The following SPATS2 variants were observed in gnomAD, a reference collection of about 807,000 sequenced individuals.
SPATS2 encodes the protein spermatogenesis associated serine rich 2.
In SPATS2, 38 loss-of-function variants were observed where a neutral mutation model predicts 63.7. The ratio of observed to expected loss-of-function variants is 0.60; its 90% CI spans 0.46 to 0.78. SPATS2 has a LOEUF of 0.78. SPATS2 is among the 30% of genes least tolerant of loss of function. The pLI is 0.00. For synonymous variants in SPATS2, 207 were observed against 232.9 expected (o/e 0.89, Z 1.01); for missense variants, 588 against 666.2 (o/e 0.88, Z 1.29).
intron 2 of SPATS2, among the ~76,000 whole-genome samples, chr12:49,422,303 A>C (rs1406832190): frequency 6.6e-6 from 1 of 152,212 alleles, no homozygotes; most frequent in African/African-American, 2.4e-5. Context: ...TAAGTACTTC[A>C]CAGAATTACA....
At chr12:49,371,355 A>G (rs1943995029) in intron 2 of SPATS2, 65 bp downstream of exon 2, 2 of 152,212 alleles carry the variant, frequency 1.3e-5, no homozygotes, top group Admixed American at 1.3e-4. Context: ...ATATCTTCAC[A>G]ATTCATCCAT....
At chr12:49,436,843 G>A (rs1303609385) in intron 2 of SPATS2, among the ~76,000 whole-genome samples, 1 of 138,022 alleles carries the variant, frequency 7.2e-6, no homozygotes, top group Non-Finnish European at 1.6e-5. Context: ...TGGACGGGGC[G>A]GCTGTCCGGG....
At chr12:49,469,037 C>G (rs1945981411) in intron 3 of SPATS2, among the ~76,000 whole-genome samples, 1 of 151,854 alleles carries the variant, frequency 6.6e-6, no homozygotes, top group African/African-American at 2.4e-5. Context: ...GAGTATGTAT[C>G]ACTTGAGATC....
chr12:49,418,688 A>G (rs937783634), intron 2 of SPATS2, among the ~76,000 whole-genome samples: 3 of 152,046 alleles, frequency 2.0e-5, no homozygotes, highest in Admixed American at 6.6e-5. Context: ...TGATCCATCT[A>G]CCTCAGCCTC....
intron 2 of SPATS2, among the ~76,000 whole-genome samples, chr12:49,398,715 C>T (rs1358456233): frequency 1.3e-5 from 2 of 151,900 alleles, no homozygotes; most frequent in South Asian, 2.1e-4. Context: ...TTCTTTTTTT[C>T]CCCTCACACA....
chr12:49,476,382 A>G (rs192202742), intron 3 of SPATS2, among the ~76,000 whole-genome samples: 1 of 152,234 alleles, frequency 6.6e-6, no homozygotes, highest in African/African-American at 2.4e-5. Flanking sequence ...GCCGAGAGCT[A>G]CTTCCACTCA....
intron 2 of SPATS2, among the ~76,000 whole-genome samples, chr12:49,445,786 G>C (rs1945499802): frequency 6.6e-6 from 1 of 152,178 alleles, no homozygotes; most frequent in African/African-American, 2.4e-5. Context: ...CTCCCAAAGT[G>C]CTAGGATTAT....
At chr12:49,493,483 C>T (rs1946418031) in intron 6 of SPATS2, among the ~76,000 whole-genome samples, 1 of 151,642 alleles carries the variant, frequency 6.6e-6, no homozygotes, top group African/African-American at 2.4e-5. Context: ...CTCACTGCAC[C>T]CTCCACCTCC....
chr12:49,404,583 G>A (rs1180022809), intron 2 of SPATS2, among the ~76,000 whole-genome samples: 3 of 152,150 alleles, frequency 2.0e-5, no homozygotes, highest in Non-Finnish European at 2.9e-5. Context: ...CCTGCTTAGA[G>A]TAGTCATATT....
At chr12:49,385,272 T>C (rs1944292352) in intron 2 of SPATS2, among the ~76,000 whole-genome samples, 1 of 146,022 alleles carries the variant, frequency 6.8e-6, no homozygotes, top group Non-Finnish European at 1.5e-5. Context: ...GGGTAATAAA[T>C]GGTATTTCAA....
rs554919186 is a variant in SPATS2, at chr12:49,520,727, A to AT, written c.1008+1560dup. Among the ~76,000 whole-genome samples the AT allele has an allele frequency of 6.8e-3, 972 of 143,198 alleles. 7 individuals are homozygous for AT. Among genetic ancestry groups the AT allele is most frequent in the East Asian group, 0.054 (268 of 4,932 alleles). 93.9% of individuals were successfully genotyped at this position (143,198 alleles called of 152,430 possible). A position where few individuals can be genotyped will look rare whatever the true frequency, so the allele number is the denominator to read the frequency against. ...TGGGTTCAACATTTATACCTTTTTA[A>AT]TTTTTTTTTTTTTTTGAGTCTCGCT... is the stretch of plus-strand genomic sequence containing the variant. On this transcript the variant is annotated intron_variant, in intron 11 of 13. Coordinates refer to ENST00000552918, the MANE Select transcript of SPATS2 (RefSeq NM_023071.4).
chr12:49,503,589 C>T (rs1264928029), intron 9 of SPATS2, among the ~76,000 whole-genome samples: 2 of 150,670 alleles, frequency 1.3e-5, no homozygotes, highest in African/African-American at 2.5e-5. Flanking sequence ...GAGGAGCTTG[C>T]AGTGAGCCAA....
At chr12:49,503,401 G>C (rs1334112032) in intron 9 of SPATS2, among the ~76,000 whole-genome samples, 2 of 151,104 alleles carry the variant, frequency 1.3e-5, no homozygotes, top group Non-Finnish European at 2.9e-5. Context: ...TGTAATCCCA[G>C]CGCTTTGGGA....
At chr12:49,468,084 T>C (rs945432575) in intron 3 of SPATS2, among the ~76,000 whole-genome samples, 1 of 151,738 alleles carries the variant, frequency 6.6e-6, no homozygotes, top group Non-Finnish European at 1.5e-5. Flanking sequence ...TTCTCTCTTC[T>C]CTTCTCCTTT....
At chr12:49,485,832 TC>T (rs1946282936) in intron 4 of SPATS2, among the ~76,000 whole-genome samples, 1 of 147,622 alleles carries the variant, frequency 6.8e-6, no homozygotes, top group South Asian at 2.1e-4. Flanking sequence ...CAGTCTCGGC[TC>T]CCTTTAGCCT....
At chr12:49,409,258 G>T (rs1298224353) in intron 2 of SPATS2, among the ~76,000 whole-genome samples, 1 of 152,114 alleles carries the variant, frequency 6.6e-6, no homozygotes, top group Non-Finnish European at 1.5e-5. Context: ...TCACCATCAT[G>T]CAAAGTGGAG....
intron 2 of SPATS2, among the ~76,000 whole-genome samples, chr12:49,376,233 C>G (rs1310551096): frequency 2.6e-5 from 4 of 151,312 alleles, no homozygotes; most frequent in Non-Finnish European, 5.9e-5. Context: ...TCCCGAGTAG[C>G]TGGGATTACA....
intron 2 of SPATS2, among the ~76,000 whole-genome samples, chr12:49,378,710 C>T (rs1229825656): frequency 6.6e-6 from 1 of 152,136 alleles, no homozygotes. Flanking sequence ...ATCCCCTTGC[C>T]TCTGTCTCCC....
At chr12:49,450,487 G>A (rs1264830126) in intron 2 of SPATS2, among the ~76,000 whole-genome samples, 1 of 151,696 alleles carries the variant, frequency 6.6e-6, no homozygotes, top group Non-Finnish European at 1.5e-5. Flanking sequence ...CTCATGATCC[G>A]CCCGCCTCGG....
Sources: allele counts gnomAD v4.1 joint callset (sites outside exome capture counted in the v4.1 genomes callset), GRCh38; gene constraint gnomAD v4.1.1; transcripts MANE v1.5; gene names NCBI Gene and HGNC (gene_info 2026-07-23, HGNC 2026-07-21).